MYCBP2: variants seen among roughly 807,000 people sequenced by gnomAD.
MYCBP2 encodes E3 ubiquitin-protein ligase MYCBP2.
A neutral mutation model predicts 525.3 loss-of-function variants in MYCBP2; 120 were observed. The ratio of observed to expected loss-of-function variants is 0.23; its 90% CI spans 0.20 to 0.27. The LOEUF (loss-of-function observed/expected upper bound fraction) is 0.27, where lower values mean the gene tolerates loss of function less well. Ranked by LOEUF, MYCBP2 falls within the 10% of genes least tolerant of loss-of-function variation. The probability of loss-of-function intolerance (pLI) is 1.00; values close to 1 mark genes in which losing one functional copy is unlikely to be tolerated. For missense variants in MYCBP2, 4,149 were observed against 5,657.1 expected (o/e 0.73, Z 8.55); for synonymous variants, 1,894 against 1,955.8 (o/e 0.97, Z 0.83).
chr13:77,167,485 AAGAG>A (rs922440184), intron 40 of MYCBP2, among the ~76,000 whole-genome samples: 2 of 152,140 alleles, frequency 1.3e-5, no homozygotes, highest in East Asian at 1.9e-4. Context: ...AGGGAACAAA[AAGAG>A]AGAGAGACAG....
intron 7 of MYCBP2, among the ~76,000 whole-genome samples, chr13:77,268,518 G>A (rs1378499481): frequency 2.0e-5 from 3 of 152,114 alleles, no homozygotes; most frequent in Admixed American, 1.3e-4. Context: ...GGTGGCTCAC[G>A]CCTGTAATCC....
chr13:77,237,821 A>G (rs1317809096), intron 17 of MYCBP2, among the ~76,000 whole-genome samples: 1 of 152,184 alleles, frequency 6.6e-6, no homozygotes, highest in Non-Finnish European at 1.5e-5. Flanking sequence ...TTTCTTACTT[A>G]TACTCTCTAA....
At position 77,107,303 on chromosome 13, in the gene MYCBP2, G is replaced by A. The variant is rs1310119193; in HGVS notation, c.8141-8290C>T. 2.0e-5 allele frequency among the ~76,000 whole-genome samples: 3 copies of A among 152,058 alleles called. No individual in the cohort carries two copies. In the East Asian group the frequency reaches 5.8e-4, roughly 29 times the overall value. ...TTATTTAAAACATATTTAGAAACTA[G>A]TTTATTGATTCTTATAGACAATATA... On this transcript the variant is annotated intron_variant, in intron 55 of 82. Transcript: ENST00000544440.
intron 68 of MYCBP2, among the ~76,000 whole-genome samples, chr13:77,076,523 G>C (rs141115332): frequency 1.3e-5 from 2 of 152,182 alleles, no homozygotes; most frequent in Admixed American, 1.3e-4. Flanking sequence ...ACAAATGAAT[G>C]CAAAAACCCA....
intron 71 of MYCBP2, among the ~76,000 whole-genome samples, chr13:77,067,061 T>G (rs999691308): frequency 1.3e-5 from 2 of 152,190 alleles, no homozygotes; most frequent in African/African-American, 4.8e-5. Context: ...TTATCACCTA[T>G]CAAGTAATTT....
Position 77,055,616 on chromosome 13 carries a change from T to G in MYCBP2, c.13589A>C (p.Asp4530Ala). 1.9e-6 allele frequency: 3 copies of G among 1,614,078 alleles called. No individual in the cohort carries two copies. The highest frequency in any genetic ancestry group is 2.2e-5 in the East Asian group (1 of 44,864). ...ITTPGVRFYN[D>A]PAGYAMNRYA... ...TCTATTCATTGCATAGCCAGCTGGG[T>G]CATTATAAAACCTCACACCAGGAGT... The change falls in exon 80 of 83, where the codon GAC becomes GCC. Residue 4530 changes from aspartate (D) to alanine (A), a missense_variant. Physicochemically the swap from Asp to Ala is moderately radical, Grantham distance 126. Coordinates refer to ENST00000544440, the MANE Select transcript of MYCBP2 (RefSeq NM_015057.5).
intron 55 of MYCBP2, among the ~76,000 whole-genome samples, chr13:77,100,628 C>G (rs1437989649): frequency 6.6e-6 from 1 of 151,996 alleles, no homozygotes; most frequent in Non-Finnish European, 1.5e-5. Context: ...GTACTTTATA[C>G]AGGGCACACT....
intron 55 of MYCBP2, among the ~76,000 whole-genome samples, chr13:77,112,331 TTATATAA>T (rs1278224959): frequency 2.7e-5 from 4 of 146,686 alleles, no homozygotes; most frequent in Admixed American, 1.4e-4. Context: ...AATGTTTTAT[TTATATAA>T]TATATATTTT....
At chr13:77,049,869 C>G (rs2036396357) in intron 82 of MYCBP2, among the ~76,000 whole-genome samples, 1 of 152,154 alleles carries the variant, frequency 6.6e-6, no homozygotes, top group African/African-American at 2.4e-5. Context: ...CTCCTGACCT[C>G]AAGTGATCCA....
At chr13:77,233,877 CGAGAGAGA>C (rs71102725) in intron 17 of MYCBP2, among the ~76,000 whole-genome samples, 1 of 145,646 alleles carries the variant, frequency 6.9e-6, no homozygotes, top group South Asian at 2.2e-4. Context: ...AGAGAGAGAA[CGAGAGAGA>C]GAGAGAGAGA....
At chr13:77,235,708 AG>A (rs1446477693) in intron 17 of MYCBP2, among the ~76,000 whole-genome samples, 1 of 152,080 alleles carries the variant, frequency 6.6e-6, no homozygotes, top group East Asian at 1.9e-4. Context: ...CATTCTAATG[AG>A]GGGAGGGAGG....
chr13:77,173,050 C>T (rs1004418808), intron 37 of MYCBP2, among the ~76,000 whole-genome samples: 1 of 152,192 alleles, frequency 6.6e-6, no homozygotes, highest in Non-Finnish European at 1.5e-5. Flanking sequence ...ACCATCTCCA[C>T]TAGTGTCATC....
chr13:77,307,288 CTT>C (rs1311663825), intron 1 of MYCBP2, among the ~76,000 whole-genome samples: 16 of 152,246 alleles, frequency 1.1e-4, no homozygotes, highest in East Asian at 3.9e-4. Context: ...ACATCCCTCT[CTT>C]TGTTTACCCT....
chr13:77,302,441 A>G, intron 1 of MYCBP2, among the ~76,000 whole-genome samples: 1 of 152,012 alleles, frequency 6.6e-6, no homozygotes, highest in Admixed American at 6.6e-5. Flanking sequence ...GTAACCTGGA[A>G]TCATGTAACC....
chr13:77,064,829 T>G (rs2039943824), intron 72 of MYCBP2, 95 bp from the exon 73 acceptor site: 2 of 1,226,912 alleles, frequency 1.6e-6, no homozygotes, highest in Non-Finnish European at 2.2e-6. Flanking sequence ...TCAAAGGAAA[T>G]ATTTGTTTTT....
intron 59 of MYCBP2, chr13:77,090,708 G>A (rs1223991466): frequency 1.3e-5 from 2 of 152,444 alleles, no homozygotes; most frequent in Admixed American, 6.5e-5. Flanking sequence ...AGTGTTCTGT[G>A]AGGTTTCTCA....
chr13:77,218,235 A>C (rs1485433550), intron 20 of MYCBP2, among the ~76,000 whole-genome samples: 1 of 152,178 alleles, frequency 6.6e-6, no homozygotes, highest in East Asian at 1.9e-4. Flanking sequence ...CTGGTGCTAC[A>C]TTTATTTTTA....
chr13:77,273,456 T>C lies in MYCBP2; in HGVS notation c.945+16A>G. On this transcript the variant is annotated intron_variant, in intron 5 of 82. Coordinates refer to ENST00000544440, the MANE Select transcript of MYCBP2 (RefSeq NM_015057.5). The stretch of plus-strand genomic sequence containing the variant: ...GTCATCTTATAAACTTCTAAGCAGA[T>C]ATAAATATGAAATACCTGAATAGTT... 2 of 1,554,276 alleles carry C rather than the reference T, an allele frequency of 1.3e-6. No individual in the cohort carries two copies. Among genetic ancestry groups the C allele is most frequent in the African/African-American group, 1.4e-5 (1 of 72,502 alleles).
chr13:77,109,174 CCTAA>C (rs1030809947), intron 55 of MYCBP2, among the ~76,000 whole-genome samples: 1 of 152,230 alleles, frequency 6.6e-6, no homozygotes. Flanking sequence ...ACAATGGTCC[CCTAA>C]CTTTCTGGGA....
Sources: allele counts gnomAD v4.1 joint callset (sites outside exome capture counted in the v4.1 genomes callset), GRCh38; gene constraint gnomAD v4.1.1; transcripts MANE v1.5; gene names NCBI Gene and HGNC (gene_info 2026-07-23, HGNC 2026-07-21).